EPB41L4B: variants seen among roughly 807,000 people sequenced by gnomAD.
EPB41L4B encodes band 4.1-like protein 4B.
In EPB41L4B, 30 loss-of-function variants were observed where a neutral mutation model predicts 112.5. That is an observed-to-expected ratio of 0.27 (90% CI 0.20 to 0.36). The LOEUF is 0.36. Among genes scored for constraint, EPB41L4B ranks in the 10% least tolerant of loss-of-function variants. The pLI is 1.00. For synonymous variants in EPB41L4B, 408 were observed against 439.7 expected (o/e 0.93, Z 0.90); for missense variants, 1,024 against 1,133.3 (o/e 0.90, Z 1.38).
intron 3 of EPB41L4B, 49 bp downstream of exon 3, chr9:109,268,342 T>C (rs1271528588): frequency 6.5e-7 from 1 of 1,547,408 alleles, no homozygotes; most frequent in Non-Finnish European, 8.8e-7. Context: ...GCAAAGGAGT[T>C]TACTCTCAGA....
At chr9:109,189,004 C>G (rs1454078610) in intron 22 of EPB41L4B, among the ~76,000 whole-genome samples, 4 of 152,140 alleles carry the variant, frequency 2.6e-5, no homozygotes, top group Admixed American at 2.6e-4. Flanking sequence ...ACTAATGCAT[C>G]AATGTACCCT....
At chr9:109,259,051 A>G (rs981936784) in intron 6 of EPB41L4B, among the ~76,000 whole-genome samples, 3 of 152,132 alleles carry the variant, frequency 2.0e-5, no homozygotes, top group African/African-American at 7.2e-5. Context: ...CAGCTCAGGA[A>G]GCAGACCCCA....
chr9:109,268,299 G>A, intron 3 of EPB41L4B, 92 bp downstream of exon 3: 2 of 1,177,734 alleles, frequency 1.7e-6, no homozygotes, highest in South Asian at 1.5e-5. Flanking sequence ...ATGCTTCCAA[G>A]TTCTAATGAA....
At chr9:109,208,131 G>T in intron 17 of EPB41L4B, 82 bp from the exon 18 acceptor site, 2 of 1,539,082 alleles carry the variant, frequency 1.3e-6, no homozygotes, top group Non-Finnish European at 1.8e-6. Flanking sequence ...AATCATAACT[G>T]CATATAACAC....
At chr9:109,247,461 G>A (rs541131209) in intron 14 of EPB41L4B, among the ~76,000 whole-genome samples, 3 of 152,210 alleles carry the variant, frequency 2.0e-5, no homozygotes, top group South Asian at 2.1e-4. Context: ...GCCACTAAGG[G>A]GCTGTGTGTG....
intron 22 of EPB41L4B, among the ~76,000 whole-genome samples, chr9:109,191,158 T>C (rs1344392207): frequency 6.6e-6 from 1 of 152,036 alleles, no homozygotes; most frequent in Non-Finnish European, 1.5e-5. Flanking sequence ...CTCATGGAAA[T>C]AGGATTCTGG....
intron 2 of EPB41L4B, among the ~76,000 whole-genome samples, chr9:109,277,409 C>A (rs1157656429): frequency 6.6e-6 from 1 of 151,372 alleles, no homozygotes; most frequent in Non-Finnish European, 1.5e-5. Context: ...GTCTTCTCAG[C>A]AGGTGAGGCA....
intron 15 of EPB41L4B, among the ~76,000 whole-genome samples, chr9:109,225,859 C>T (rs1833742380): frequency 6.6e-6 from 1 of 152,204 alleles, no homozygotes. Context: ...GTGCTAAGGC[C>T]TGGAGTTGGC....
At chr9:109,259,327 A>C (rs1319971086) in intron 6 of EPB41L4B, among the ~76,000 whole-genome samples, 2 of 152,224 alleles carry the variant, frequency 1.3e-5, no homozygotes, top group Non-Finnish European at 2.9e-5. Context: ...GTTAAAATGC[A>C]CATCACTGGG....
chr9:109,174,522 C>T lies in EPB41L4B; in HGVS notation c.*32G>A. On this transcript the variant is annotated 3_prime_UTR_variant, in exon 26 of 26. Transcript: ENST00000374566. The stretch of plus-strand genomic sequence containing the variant: ...AAGAAAGAAGACGGACAGAAGGCAC[C>T]ATGCCATCTTCCAGGTGACAAGGGG... 1 of 1,585,242 alleles carries T rather than the reference C, an allele frequency of 6.3e-7. No individual in the cohort carries two copies. Among genetic ancestry groups the T allele is most frequent in the Non-Finnish European group, 8.7e-7 (1 of 1,153,618 alleles).
chr9:109,205,399 G>A (rs1832963059), intron 18 of EPB41L4B, among the ~76,000 whole-genome samples: 1 of 152,150 alleles, frequency 6.6e-6, no homozygotes, highest in Non-Finnish European at 1.5e-5. Context: ...AGAAATATGG[G>A]TCCTCCACAG....
chr9:109,293,271 T>C (rs1051072037), intron 1 of EPB41L4B, among the ~76,000 whole-genome samples: 3 of 152,250 alleles, frequency 2.0e-5, no homozygotes, highest in Non-Finnish European at 4.4e-5. Context: ...GTATTTATGA[T>C]GTTTTTCATA....
chr9:109,202,131 T>C (rs1175031210), intron 19 of EPB41L4B, among the ~76,000 whole-genome samples: 1 of 152,112 alleles, frequency 6.6e-6, no homozygotes, highest in African/African-American at 2.4e-5. Context: ...CTCCCAGGTT[T>C]CAGGCCTGGG....
At chr9:109,244,157 G>A (rs112039510) in intron 14 of EPB41L4B, among the ~76,000 whole-genome samples, 62 of 152,208 alleles carry the variant, frequency 4.1e-4, no homozygotes, top group Non-Finnish European at 7.8e-4. Context: ...GGGATGCTAA[G>A]TGAAGCAGCA....
At chr9:109,257,493 A>C (rs1835026263) in intron 7 of EPB41L4B, among the ~76,000 whole-genome samples, 2 of 152,156 alleles carry the variant, frequency 1.3e-5, no homozygotes, top group South Asian at 4.1e-4. Context: ...ATGTTCCTAT[A>C]CAACAGGGTA....
intron 14 of EPB41L4B, among the ~76,000 whole-genome samples, chr9:109,245,858 A>T (rs886662730): frequency 2.6e-5 from 4 of 152,216 alleles, no homozygotes; most frequent in African/African-American, 9.6e-5. Context: ...TGTTGCGATA[A>T]CAATGCCTAG....
chr9:109,306,608 AAAC>A (rs1346263805), intron 1 of EPB41L4B, among the ~76,000 whole-genome samples: 1 of 1,310 alleles, frequency 7.6e-4, no homozygotes, highest in Non-Finnish European at 1.1e-3. Flanking sequence ...GCGAGCAAAA[AAAC>A]AAACAAACAA....
At chr9:109,250,751 T>C (rs1375781789) in intron 13 of EPB41L4B, among the ~76,000 whole-genome samples, 6 of 152,160 alleles carry the variant, frequency 3.9e-5, no homozygotes, top group Admixed American at 2.0e-4. Flanking sequence ...CATTCTACTA[T>C]ACAGGCAAGA....
intron 19 of EPB41L4B, 81 bp downstream of exon 19, chr9:109,203,582 T>C: frequency 1.8e-6 from 2 of 1,134,230 alleles, no homozygotes; most frequent in Non-Finnish European, 2.7e-6. Context: ...TATCAGCTAA[T>C]GCCCTCGTGA....
Sources: allele counts gnomAD v4.1 joint callset (sites outside exome capture counted in the v4.1 genomes callset), GRCh38; gene constraint gnomAD v4.1.1; transcripts MANE v1.5; gene names NCBI Gene and HGNC (gene_info 2026-07-23, HGNC 2026-07-21).